The following UBAP2 variants were observed in gnomAD, a reference collection of about 807,000 sequenced individuals.
UBAP2 encodes the protein ubiquitin associated protein 2.
Under a neutral mutation model 139.6 loss-of-function variants are expected in UBAP2, and 75 were observed. That is an observed-to-expected ratio of 0.54 (90% confidence interval 0.45 to 0.65). The LOEUF (loss-of-function observed/expected upper bound fraction) is 0.65. Ranked by LOEUF, UBAP2 falls within the 30% of genes least tolerant of loss-of-function variation. UBAP2 has a pLI of 0.00. For synonymous variants in UBAP2, 526 were observed against 526.2 expected (o/e 1.00, Z 0.01); for missense variants, 1,368 against 1,369.6 (o/e 1.00, Z 0.02).
At chr9:33,927,268 T>C (rs569779218) in intron 20 of UBAP2, among the ~76,000 whole-genome samples, 188 bp from the exon 21 acceptor site, 1 of 152,244 alleles carries the variant, frequency 6.6e-6, no homozygotes. Context: ...GCCACCACAC[T>C]GAGGTTGTTT....
chr9:33,962,744 A>G (rs1311000025), intron 9 of UBAP2, among the ~76,000 whole-genome samples: 1 of 151,862 alleles, frequency 6.6e-6, no homozygotes, highest in Non-Finnish European at 1.5e-5. Flanking sequence ...CGGGAGGCAG[A>G]GATGAGTGGA....
At chr9:33,949,086 G>A (rs1388253162) in intron 12 of UBAP2, 1 of 154,496 alleles carries the variant, frequency 6.5e-6, no homozygotes, top group Non-Finnish European at 1.4e-5. Flanking sequence ...AGAATGGCAT[G>A]AACCCAGGAG....
At chr9:33,932,323 T>C (rs1490545585) in intron 19 of UBAP2, among the ~76,000 whole-genome samples, 2 of 152,146 alleles carry the variant, frequency 1.3e-5, no homozygotes, top group East Asian at 3.8e-4. Context: ...CTCCTGCCAA[T>C]GACAGATAAG....
chr9:33,994,207 A>C (rs1165537941), intron 4 of UBAP2, among the ~76,000 whole-genome samples: 2 of 152,166 alleles, frequency 1.3e-5, no homozygotes, highest in South Asian at 4.1e-4. Context: ...CTTACTTTCT[A>C]ATACATAGCC....
At chr9:33,950,930 C>T (rs1231179331) in intron 12 of UBAP2, among the ~76,000 whole-genome samples, 1 of 152,348 alleles carries the variant, frequency 6.6e-6, no homozygotes, top group East Asian at 1.9e-4. Flanking sequence ...CAAACACACA[C>T]AGTGCCCAAA....
intron 2 of UBAP2, among the ~76,000 whole-genome samples, chr9:34,010,378 C>T (rs1301239460): frequency 4.8e-5 from 7 of 144,478 alleles, no homozygotes; most frequent in South Asian, 2.2e-4. Context: ...GAGCCCAGAT[C>T]GCGCCACTGC....
chr9:34,044,424 G>C (rs538595839), intron 1 of UBAP2, among the ~76,000 whole-genome samples: 11 of 151,938 alleles, frequency 7.2e-5, no homozygotes, highest in Admixed American at 7.2e-4. Context: ...AATTAGCTGG[G>C]CGTGGTGATG....
rs1179573913 is a variant in UBAP2 at position 34,004,025 on chromosome 9, T to C, written c.100-5161A>G. Among the ~76,000 whole-genome samples the C allele has an allele frequency of 3.9e-5, 6 of 152,212 alleles. No individual in the cohort carries two copies. The East Asian group carries it at 1.2e-3, about 29-fold the overall frequency. On this transcript the variant is annotated intron_variant, in intron 2 of 28. Transcript: ENST00000379238. ...ATGAGCCACCACGCCCAGCCCCAAA[T>C]ATAGCTTTCTAACAATGAATACAAA...
intron 1 of UBAP2, among the ~76,000 whole-genome samples, chr9:34,048,171 G>C (rs1827777455): frequency 6.6e-6 from 1 of 152,224 alleles, no homozygotes; most frequent in African/African-American, 2.4e-5. Flanking sequence ...AACATTTTGA[G>C]TATGTATTAT....
chr9:33,968,217 T>C (rs1827618035), intron 8 of UBAP2: 1 of 619,150 alleles, frequency 1.6e-6, no homozygotes, highest in Admixed American at 1.9e-5. Context: ...TACAGGATTA[T>C]GAAACCTAAA....
chr9:33,928,067 C>A (rs1428171474), intron 19 of UBAP2, 75 bp from the exon 20 acceptor site: 2 of 1,473,894 alleles, frequency 1.4e-6, no homozygotes, highest in Non-Finnish European at 1.8e-6. Flanking sequence ...TGGCCTGGCG[C>A]TTGGGCCCAA....
intron 1 of UBAP2, among the ~76,000 whole-genome samples, chr9:34,048,455 G>C (rs1236220644): frequency 6.6e-6 from 1 of 152,208 alleles, no homozygotes; most frequent in Non-Finnish European, 1.5e-5. Context: ...GGGACCGACA[G>C]CGTGGCGGGG....
chr9:34,001,099 G>A (rs1190227507), intron 2 of UBAP2, among the ~76,000 whole-genome samples: 2 of 152,170 alleles, frequency 1.3e-5, no homozygotes, highest in Admixed American at 6.6e-5. Flanking sequence ...TGAAGTAAAA[G>A]GGAAAAGCAA....
intron 18 of UBAP2, 142 bp downstream of exon 18, chr9:33,933,348 C>T: frequency 2.0e-6 from 2 of 1,022,764 alleles, no homozygotes. Flanking sequence ...TGGCCAAAAC[C>T]TAAGCTACAG....
intron 16 of UBAP2, among the ~76,000 whole-genome samples, chr9:33,938,492 T>TG (rs1824791740): frequency 6.6e-6 from 1 of 152,098 alleles, no homozygotes; most frequent in Admixed American, 6.5e-5. Context: ...AAACTTATGT[T>TG]GAAACAAAAA....
intron 8 of UBAP2, among the ~76,000 whole-genome samples, chr9:33,964,431 A>T (rs1290503994): frequency 1.3e-5 from 2 of 152,176 alleles, no homozygotes; most frequent in East Asian, 3.9e-4. Flanking sequence ...GAAAGAGAAA[A>T]TTTTAAAAAA....
chr9:33,947,981 C>CAAAAAAAA, intron 13 of UBAP2, among the ~76,000 whole-genome samples: 1 of 80,610 alleles, frequency 1.2e-5, no homozygotes, highest in Non-Finnish European at 2.4e-5. Context: ...GACCCCATCT[C>CAAAAAAAA]AAAAAAAAAA....
Position 33,922,680 on chromosome 9 carries a change from T to TA in UBAP2, c.3264+6dup. The TA allele has an allele frequency of 6.4e-7, 1 of 1,564,290 alleles. No homozygotes were observed. Among genetic ancestry groups the TA allele is most frequent in the Middle Eastern group, 1.7e-4 (1 of 5,776 alleles). On this transcript the variant is annotated splice_region_variant and intron_variant, in intron 28 of 28. Transcript: ENST00000379238. ...AGTAGGGTGGCTGCCTCCATCACTG[T>TA]ACTCACCTGTGCATCCTGCGGAAGG...
chr9:33,928,085 G>T, intron 19 of UBAP2, 93 bp from the exon 20 acceptor site: 1 of 1,350,092 alleles, frequency 7.4e-7, no homozygotes, highest in Non-Finnish European at 1.0e-6. Context: ...CAAGTCTCAA[G>T]GCTGAGCAGG....
Sources: gnomAD v4.1 joint callset for allele counts (sites outside exome capture counted in the v4.1 genomes callset) on GRCh38, gnomAD v4.1.1 for gene constraint, MANE v1.5 for transcripts, NCBI Gene and HGNC (gene_info 2026-07-23, HGNC 2026-07-21) for gene names.